The following SAXO1 variants were observed in gnomAD, a reference collection of about 807,000 sequenced individuals.
SAXO1 encodes the protein stabilizer of axonemal microtubules 1.
In SAXO1, 21 loss-of-function variants were observed where a neutral mutation model predicts 17.5. The observed-to-expected ratio is 1.20, with a 90% CI of 0.85 to 1.72. The LOEUF is 1.72. Among genes scored for constraint, SAXO1 ranks in the 40% most tolerant of loss-of-function variants. The pLI is 0.00. For synonymous variants in SAXO1, 274 were observed against 216.5 expected (o/e 1.27, Z -2.33); for missense variants, 843 against 596.0 (o/e 1.41, Z -4.32).
chr9:18,956,170 C>G (rs933070071), intron 1 of SAXO1, among the ~76,000 whole-genome samples: 2 of 144,576 alleles, frequency 1.4e-5, no homozygotes, highest in Admixed American at 7.1e-5. Context: ...AGGCTGGTCT[C>G]AAACTCCTGG....
In SAXO1 at chr9:18,928,891, G is replaced by A. The variant is rs745330119; in HGVS notation, c.586C>T (p.Leu196Phe). The A allele has an allele frequency of 6.2e-7, 1 of 1,614,186 alleles. No individual in the cohort carries two copies. The highest frequency in any genetic ancestry group is 8.5e-7 in the Non-Finnish European group (1 of 1,180,038). ...ACATCCTCCAAGGGGATGTTACAGA[G>A]CTTTGGCATGGCCAGAGGTTTACAG... is the stretch of plus-strand genomic sequence containing the variant. ...ISCKPLAMPKLCNIPLEDVTN... is the reference protein window; with the variant it reads ...ISCKPLAMPKFCNIPLEDVTN... The change falls in exon 4 of 4, where the codon CTC becomes TTC. Residue 196 changes from leucine (L) to phenylalanine (F), a missense_variant. Coordinates refer to ENST00000380534, the MANE Select transcript of SAXO1 (RefSeq NM_153707.4).
chr9:19,018,180 AC>A (rs368960265), intron 1 of SAXO1, among the ~76,000 whole-genome samples: 1 of 151,750 alleles, frequency 6.6e-6, no homozygotes, highest in Non-Finnish European at 1.5e-5. Flanking sequence ...AAAAAAAAAA[AC>A]AAACAAACAA....
In SAXO1 at chr9:19,006,323, A is replaced by G. The variant is rs545352167; in HGVS notation, c.38+26548T>C. Among the ~76,000 whole-genome samples the G allele has an allele frequency of 3.0e-3, 457 of 152,368 alleles. 8 individuals carry two copies. In the South Asian group the frequency reaches 0.044, roughly 15 times the overall value. On this transcript the variant is annotated intron_variant, in intron 1 of 3. Coordinates refer to ENST00000380534, the MANE Select transcript of SAXO1 (RefSeq NM_153707.4). The stretch of plus-strand genomic sequence containing the variant: ...GACTGAAACAGATACCTGTAGACCA[A>G]TCGCAGAAGCATTATTCCAATAGCC...
At chr9:19,011,375 G>T (rs1834725643) in intron 1 of SAXO1, among the ~76,000 whole-genome samples, 1 of 152,138 alleles carries the variant, frequency 6.6e-6, no homozygotes, top group Non-Finnish European at 1.5e-5. Flanking sequence ...TTCATCTCTT[G>T]CACTGGGAAC....
chr9:19,025,108 C>T (rs1010555573), intron 1 of SAXO1, among the ~76,000 whole-genome samples: 2 of 152,094 alleles, frequency 1.3e-5, no homozygotes, highest in African/African-American at 4.8e-5. Context: ...CAAAAAAGGC[C>T]ATTTTTAAGG....
At chr9:19,013,194 C>T (rs745891805) in intron 1 of SAXO1, among the ~76,000 whole-genome samples, 1 of 151,936 alleles carries the variant, frequency 6.6e-6, no homozygotes, top group African/African-American at 2.4e-5. Context: ...GGCCGAGAAG[C>T]GATGAAAGAC....
chr9:18,927,918 T>G lies in SAXO1; in HGVS notation c.*134A>C, dbSNP rs999451243. On this transcript the variant is annotated 3_prime_UTR_variant, in exon 4 of 4. Transcript: ENST00000380534. ...TCAAGTGATTCTCATTTTATTCAAGTGCTCTGGAAGTGGTGAAGGTTTTTT... is the reference window on the plus strand; with the variant it reads ...TCAAGTGATTCTCATTTTATTCAAGGGCTCTGGAAGTGGTGAAGGTTTTTT... The G allele has an allele frequency of 5.4e-6, 5 of 920,274 alleles. No homozygotes were observed. The East Asian group carries it at 1.3e-4, about 23-fold the overall frequency. 57.0% of individuals were successfully genotyped at this position (920,274 alleles called of 1,614,324 possible).
At chr9:18,971,267 A>G (rs925854677) in intron 1 of SAXO1, among the ~76,000 whole-genome samples, 1 of 152,146 alleles carries the variant, frequency 6.6e-6, no homozygotes, top group African/African-American at 2.4e-5. Context: ...GTAAGCTGCC[A>G]AAACTGAATA....
At chr9:19,037,895 T>C (rs1377802181), upstream of SAXO1, among the ~76,000 whole-genome samples, 5 of 152,168 alleles carry the variant, frequency 3.3e-5, no homozygotes, top group Non-Finnish European at 2.9e-5. Context: ...AGCCAGGAGG[T>C]AAACTCATTC....
intron 1 of SAXO1, among the ~76,000 whole-genome samples, chr9:19,015,665 G>C (rs1834946822): frequency 7.0e-6 from 1 of 141,964 alleles, no homozygotes; most frequent in Non-Finnish European, 1.5e-5. Flanking sequence ...TTTTTTAAGA[G>C]ACTGAGTATC....
At chr9:18,934,661 C>T (rs1271715466) in intron 3 of SAXO1, among the ~76,000 whole-genome samples, 4 of 152,196 alleles carry the variant, frequency 2.6e-5, no homozygotes, top group African/African-American at 9.7e-5. Context: ...CATCTGGGCT[C>T]CTGCAGAGAT....
intron 2 of SAXO1, among the ~76,000 whole-genome samples, chr9:18,945,273 C>T (rs1259407571): frequency 1.3e-5 from 2 of 152,180 alleles, no homozygotes; most frequent in East Asian, 3.8e-4. Flanking sequence ...GTTTTCCAGA[C>T]CCAACCGCTG....
chr9:18,997,244 T>G (rs1323191889), intron 1 of SAXO1, among the ~76,000 whole-genome samples: 3 of 152,236 alleles, frequency 2.0e-5, no homozygotes, highest in African/African-American at 7.2e-5. Flanking sequence ...CCTGCCCAAG[T>G]ACTGCACTTT....
In SAXO1 at chr9:18,928,663, T is replaced by C; in HGVS notation, c.814A>G (p.Thr272Ala). The part of the protein sequence containing the change: ...PGLDMPFCNT[T>A]EFRDKYQAWP... ...GCTTGGTACTTATCTCGAAACTCAG[T>C]GGTGTTACAGAAAGGCATGTCTAGC... The change falls in exon 4 of 4, where the codon ACT becomes GCT. Residue 272 changes from threonine (T) to alanine (A), a missense_variant. By Grantham distance (58) the Thr-to-Ala change is moderately conservative (BLOSUM62 0). Transcript: ENST00000380534. 1 of 1,613,900 alleles carries C rather than the reference T, an allele frequency of 6.2e-7. No individual in the cohort carries two copies. Among genetic ancestry groups the C allele is most frequent in the Non-Finnish European group, 8.5e-7 (1 of 1,179,976 alleles).
Position 18,963,621 on chromosome 9 carries a change from G to T in SAXO1, c.39-12684C>A, listed in dbSNP as rs1006723015. 2.0e-5 allele frequency among the ~76,000 whole-genome samples: 3 copies of T among 152,306 alleles called. No individual in the cohort carries two copies. The South Asian group carries it at 6.2e-4, about 32-fold the overall frequency. On this transcript the variant is annotated intron_variant, in intron 1 of 3. Transcript: ENST00000380534. ...CTAATATTAGTGTATAGAAATGCTT[G>T]TGGGTTTTGCACATTGATTTCTTAT...
chr9:18,990,236 G>A (rs959411976), intron 1 of SAXO1, among the ~76,000 whole-genome samples: 8 of 151,066 alleles, frequency 5.3e-5, no homozygotes, highest in East Asian at 1.9e-4. Context: ...TATAATGACC[G>A]GCATTTAAAA....
chr9:19,041,767 A>G (rs1836084986), intron 1 of SAXO1, among the ~76,000 whole-genome samples: 1 of 152,226 alleles, frequency 6.6e-6, no homozygotes, highest in Non-Finnish European at 1.5e-5. Flanking sequence ...CTAGACCCCT[A>G]TCTCTTGCCA....
chr9:18,937,305 T>C (rs960979015), intron 3 of SAXO1, among the ~76,000 whole-genome samples: 11 of 152,128 alleles, frequency 7.2e-5, no homozygotes, highest in African/African-American at 2.4e-4. Flanking sequence ...TGGGGATTTG[T>C]GTAGATATGC....
intron 2 of SAXO1, among the ~76,000 whole-genome samples, chr9:18,946,573 T>G (rs1831807563): frequency 1.3e-5 from 2 of 151,560 alleles, no homozygotes; most frequent in South Asian, 4.2e-4. Flanking sequence ...CAAACAAACA[T>G]CTAAGGTGTC....
Sources: gnomAD v4.1 joint callset for allele counts (sites outside exome capture counted in the v4.1 genomes callset) on GRCh38, gnomAD v4.1.1 for gene constraint, MANE v1.5 for transcripts, NCBI Gene and HGNC (gene_info 2026-07-23, HGNC 2026-07-21) for gene names.